The following CPA6 variants were observed in gnomAD, a reference collection of about 807,000 sequenced individuals.
CPA6 encodes carboxypeptidase B.
CPA6 carries 58 observed loss-of-function variants against 63.3 expected under a neutral mutation model. That is an observed-to-expected ratio of 0.92 (90% CI 0.74 to 1.14). CPA6 has a LOEUF of 1.14. Among genes scored for constraint, CPA6 ranks in the 50% most tolerant of loss-of-function variants. The pLI, the probability that CPA6 is intolerant of heterozygous loss-of-function variation, is 0.00. For missense variants in CPA6, 565 were observed against 526.6 expected, an observed-to-expected ratio of 1.07 and a Z score of -0.71; for synonymous variants, 185 against 179.0, an observed-to-expected ratio of 1.03 and a Z score of -0.27.
At chr8:67,604,925 C>G (rs1277853476) in intron 2 of CPA6, among the ~76,000 whole-genome samples, 1 of 152,016 alleles carries the variant, frequency 6.6e-6, no homozygotes, top group African/African-American at 2.4e-5. Context: ...CTACAGGCAC[C>G]TGTCACCATG....
At chr8:67,465,581 A>G (rs944249539) in intron 8 of CPA6, among the ~76,000 whole-genome samples, 1 of 152,146 alleles carries the variant, frequency 6.6e-6, no homozygotes, top group Non-Finnish European at 1.5e-5. Flanking sequence ...CCAGTTCACA[A>G]GGGGAATGCT....
At chr8:67,574,312 G>T (rs1312022283) in intron 2 of CPA6, among the ~76,000 whole-genome samples, 1 of 150,032 alleles carries the variant, frequency 6.7e-6, no homozygotes, top group Non-Finnish European at 1.5e-5. Context: ...GGAGGTGGAG[G>T]TTGCAGTGAG....
chr8:67,441,765 T>C lies in CPA6; in HGVS notation c.839-7525A>G, dbSNP rs1587428151. 2.6e-5 allele frequency among the ~76,000 whole-genome samples: 4 copies of C among 152,116 alleles called. No homozygotes were observed. In the South Asian group the frequency reaches 6.2e-4, roughly 24 times the overall value. Reference sequence around the variant, plus strand: ...ATATACAAAAGTGAATTCTAAATGGTTTAATGATTTAAATAACAAAAACAA... The same window carrying C: ...ATATACAAAAGTGAATTCTAAATGGCTTAATGATTTAAATAACAAAAACAA... On this transcript the variant is annotated intron_variant, in intron 8 of 10. Coordinates refer to ENST00000297770, the MANE Select transcript of CPA6 (RefSeq NM_020361.5).
intron 2 of CPA6, among the ~76,000 whole-genome samples, chr8:67,615,085 C>A (rs1490421784): frequency 6.6e-6 from 1 of 152,116 alleles, no homozygotes; most frequent in Admixed American, 6.5e-5. Flanking sequence ...GTGATCAGGA[C>A]AATGGTGCAC....
At position 67,503,733 on chromosome 8, in the gene CPA6, C is replaced by T. The variant is rs113217627; in HGVS notation, c.636+3054G>A. 2.4e-3 allele frequency among the ~76,000 whole-genome samples: 363 copies of T among 151,980 alleles called. 2 individuals carry two copies. Among genetic ancestry groups the T allele is most frequent in the Non-Finnish European group, 2.6e-3 (179 of 67,978 alleles). On this transcript the variant is annotated intron_variant, in intron 6 of 10. Transcript: ENST00000297770. Reference sequence around the variant, plus strand: ...AACATTCTGTTAAGTCTTTTGCATGCATTATATTATTATTATTATTTTTTT... The same window carrying T: ...AACATTCTGTTAAGTCTTTTGCATGTATTATATTATTATTATTATTTTTTT...
chr8:67,667,709 T>C (rs1816261270), intron 1 of CPA6, among the ~76,000 whole-genome samples: 1 of 152,208 alleles, frequency 6.6e-6, no homozygotes, highest in South Asian at 2.1e-4. Context: ...AGTATGAGAA[T>C]CTGAAATCAG....
intron 6 of CPA6, among the ~76,000 whole-genome samples, chr8:67,494,414 C>T (rs1296840770): frequency 6.6e-6 from 1 of 152,050 alleles, no homozygotes; most frequent in Non-Finnish European, 1.5e-5. Flanking sequence ...TGACTCTGGT[C>T]AAATTCATCC....
rs138786450 is a variant in CPA6, at chr8:67,495,299, T to G, written c.637-10510A>C. On this transcript the variant is annotated intron_variant, in intron 6 of 10. Coordinates refer to ENST00000297770, the MANE Select transcript of CPA6 (RefSeq NM_020361.5). ...GCCAATCATCCATTCCTAAAGACTTTCTTTATCACTGCCTTCTTTTGTGTC... is the reference window on the plus strand; with the variant it reads ...GCCAATCATCCATTCCTAAAGACTTGCTTTATCACTGCCTTCTTTTGTGTC... Among the ~76,000 whole-genome samples the G allele has an allele frequency of 5.9e-5, 9 of 152,280 alleles. No individual in the cohort carries two copies. The East Asian group carries it at 1.7e-3, about 29-fold the overall frequency.
intron 2 of CPA6, among the ~76,000 whole-genome samples, chr8:67,595,248 C>G (rs1260038445): frequency 5.3e-5 from 8 of 152,182 alleles, no homozygotes; most frequent in Non-Finnish European, 1.0e-4. Flanking sequence ...GAAGTTTTGT[C>G]TCAGAGGAGT....
Position 67,483,760 on chromosome 8 carries a change from A to C in CPA6, c.838+8T>G, listed in dbSNP as rs542004523. The C allele has an allele frequency of 6.2e-7, 1 of 1,613,310 alleles. No homozygotes were observed. The highest frequency in any genetic ancestry group is 1.3e-5 in the African/African-American group (1 of 75,038). ...TTGGATCTGGATCCCAGTTGGTCCCAAACTTACCACACCACTTCACTTTCC... is the reference window on the plus strand; with the variant it reads ...TTGGATCTGGATCCCAGTTGGTCCCCAACTTACCACACCACTTCACTTTCC... On this transcript the variant is annotated splice_region_variant and intron_variant, in intron 8 of 10. Coordinates refer to ENST00000297770, the MANE Select transcript of CPA6 (RefSeq NM_020361.5).
intron 6 of CPA6, among the ~76,000 whole-genome samples, chr8:67,502,836 G>A (rs1329590608): frequency 1.3e-5 from 2 of 152,146 alleles, no homozygotes; most frequent in Non-Finnish European, 2.9e-5. Context: ...TGTGGTTACA[G>A]AACACACCTT....
At chr8:67,672,886 G>A (rs566750523) in intron 1 of CPA6, among the ~76,000 whole-genome samples, 4 of 151,504 alleles carry the variant, frequency 2.6e-5, no homozygotes, top group Admixed American at 6.6e-5. Context: ...AGGCATTACA[G>A]AGGAAGGTAT....
chr8:67,716,095 A>T (rs925088847), intron 1 of CPA6, among the ~76,000 whole-genome samples: 2 of 141,990 alleles, frequency 1.4e-5, no homozygotes, highest in Non-Finnish European at 3.0e-5. Flanking sequence ...TGGAGGTTGC[A>T]GTGAGCCGAG....
At chr8:67,535,710 T>C (rs1812570528) in intron 2 of CPA6, among the ~76,000 whole-genome samples, 1 of 152,240 alleles carries the variant, frequency 6.6e-6, no homozygotes, top group African/African-American at 2.4e-5. Context: ...TTCAGTTTAA[T>C]TAGATCCCAT....
chr8:67,517,114 C>T (rs1812161828), intron 3 of CPA6, among the ~76,000 whole-genome samples: 1 of 148,180 alleles, frequency 6.7e-6, no homozygotes. Flanking sequence ...TCTTTTCTTA[C>T]TGCTCTAACC....
rs185228472 is a variant in CPA6 at position 67,544,554 on chromosome 8, T to C, written c.193-26507A>G. On this transcript the variant is annotated intron_variant, in intron 2 of 10. Coordinates refer to ENST00000297770, the MANE Select transcript of CPA6 (RefSeq NM_020361.5). ...ATGCACCAAAAACAGATGTCCCATA[T>C]CCTCGAGGAGTTGAGTCTTTCTGAA... Among the ~76,000 whole-genome samples the C allele has an allele frequency of 1.2e-3, 187 of 152,322 alleles. 2 individuals are homozygous for C. The South Asian group carries it at 0.018, about 15-fold the overall frequency.
intron 1 of CPA6, among the ~76,000 whole-genome samples, chr8:67,654,061 T>A (rs1461967996): frequency 2.0e-5 from 3 of 152,218 alleles, no homozygotes; most frequent in Non-Finnish European, 4.4e-5. Context: ...TTTGCATATA[T>A]TGAACCAGCC....
At chr8:67,426,782 C>G (rs1255250119) in intron 10 of CPA6, among the ~76,000 whole-genome samples, 1 of 152,124 alleles carries the variant, frequency 6.6e-6, no homozygotes, top group African/African-American at 2.4e-5. Flanking sequence ...CACCGACATT[C>G]ACACATACAT....
chr8:67,629,340 G>A (rs1815265866), intron 1 of CPA6, among the ~76,000 whole-genome samples: 1 of 151,418 alleles, frequency 6.6e-6, no homozygotes, highest in Non-Finnish European at 1.5e-5. Flanking sequence ...AAATAGCTGG[G>A]CATCATGGCA....
Sources: allele counts gnomAD v4.1 joint callset (sites outside exome capture counted in the v4.1 genomes callset), GRCh38; gene constraint gnomAD v4.1.1; transcripts MANE v1.5; gene names NCBI Gene and HGNC (gene_info 2026-07-23, HGNC 2026-07-21).